C2orf78: variants seen among roughly 807,000 people sequenced by gnomAD.
The protein encoded by C2orf78 is chromosome 2 open reading frame 78, also known as uncharacterized protein C2orf78.
C2orf78 carries 12 observed loss-of-function variants against 21.4 expected under a neutral mutation model. The ratio of observed to expected loss-of-function variants is 0.56; its 90% CI spans 0.36 to 0.91. The LOEUF is 0.91. C2orf78 is among the 40% of genes least tolerant of loss of function. The pLI, the probability that C2orf78 is intolerant of heterozygous loss-of-function variation, is 0.01. For missense variants in C2orf78, 1,042 were observed against 1,092.4 expected, an observed-to-expected ratio of 0.95 and a Z score of 0.65; for synonymous variants, 396 against 413.9, an observed-to-expected ratio of 0.96 and a Z score of 0.52.
exon 3 of C2orf78, chr2:73,816,807 G>A (rs1301311520): frequency 1.2e-6 from 2 of 1,613,920 alleles, no homozygotes; most frequent in African/African-American, 2.7e-5. Flanking sequence ...GAAACCCACT[G>A]TTCCTGAGCC....
intron 1 of C2orf78, among the ~76,000 whole-genome samples, chr2:73,810,435 G>C (rs1179681882): frequency 6.6e-6 from 1 of 151,288 alleles, no homozygotes; most frequent in Non-Finnish European, 1.5e-5. Flanking sequence ...GCTGAGGCAG[G>C]AGAATCGTTT....
At chr2:73,807,039 G>T (rs1259316689) in intron 1 of C2orf78, among the ~76,000 whole-genome samples, 1 of 144,010 alleles carries the variant, frequency 6.9e-6, no homozygotes, top group Non-Finnish European at 1.5e-5. Flanking sequence ...AAATTAGCCG[G>T]GCATGGTGGC....
chr2:73,813,883 T>G, exon 2 of C2orf78: 2 of 1,613,998 alleles, frequency 1.2e-6, no homozygotes, highest in Non-Finnish European at 1.7e-6. Flanking sequence ...ATTATAAAAC[T>G]TCAGATACCA....
chr2:73,813,511 A>C, exon 2 of C2orf78: 1 of 1,610,962 alleles, frequency 6.2e-7, no homozygotes, highest in Non-Finnish European at 8.5e-7. Context: ...CTGGAACTGC[A>C]AATTCTCGGC....
chr2:73,810,284 A>T (rs1056765654), intron 1 of C2orf78, among the ~76,000 whole-genome samples: 3 of 151,982 alleles, frequency 2.0e-5, no homozygotes, highest in Non-Finnish European at 4.4e-5. Flanking sequence ...TAATCCCAGC[A>T]CTTTGGGAGG....
chr2:73,810,850 A>T (rs1157848615), intron 1 of C2orf78, among the ~76,000 whole-genome samples: 28 of 136,566 alleles, frequency 2.1e-4, no homozygotes, highest in Non-Finnish European at 3.4e-4. Context: ...TATTACATGT[A>T]TATTATATAT....
chr2:73,809,015 T>C, intron 1 of C2orf78: 1 of 600,316 alleles, frequency 1.7e-6, no homozygotes, highest in Non-Finnish European at 2.8e-6. Context: ...AGTATTGAAG[T>C]AGAAATCCAG....
At chr2:73,784,207 C>G in exon 1 of C2orf78, 1 of 1,511,688 alleles carries the variant, frequency 6.6e-7, no homozygotes, top group South Asian at 1.2e-5. Context: ...CCGACCACCA[C>G]CTGGTAGCAT....
At chr2:73,817,053 C>T in exon 3 of C2orf78, 1 of 1,421,230 alleles carries the variant, frequency 7.0e-7, no homozygotes, top group Non-Finnish European at 9.3e-7. Context: ...TAGATAGATA[C>T]TAATTTATTT....
chr2:73,809,741 A>T (rs1454993349), intron 1 of C2orf78, among the ~76,000 whole-genome samples: 1 of 152,188 alleles, frequency 6.6e-6, no homozygotes, highest in Non-Finnish European at 1.5e-5. Flanking sequence ...TCAGGTTCAC[A>T]CCACTGGACT....
chr2:73,816,270 G>C, exon 3 of C2orf78: 2 of 1,613,864 alleles, frequency 1.2e-6, no homozygotes, highest in East Asian at 2.2e-5. Context: ...TGAGGGTAAA[G>C]GCCCGGAGAA....
rs548128116 is a variant in C2orf78, at chr2:73,808,710, A to C, written c.98-4767A>C. The C allele has an allele frequency of 4.6e-4, 694 of 1,513,216 alleles. 4 individuals are homozygous for C. The highest frequency in any genetic ancestry group is 3.6e-3 in the African/African-American group (255 of 71,478). The allele number at this position is 1,513,216 out of a possible 1,614,324, so 93.7% of individuals were successfully genotyped here. A position where few individuals can be genotyped will look rare whatever the true frequency, so the allele number is the denominator to read the frequency against. ...CACCAAACCAACTGCCACCTGGTAGAATCTTGGGGTTTCCTGGGCGTGGCC... is the reference window on the plus strand; with the variant it reads ...CACCAAACCAACTGCCACCTGGTAGCATCTTGGGGTTTCCTGGGCGTGGCC... On this transcript the variant is annotated intron_variant, in intron 1 of 2. Transcript: ENST00000409561.
chr2:73,812,079 T>G (rs1401205268), intron 1 of C2orf78, among the ~76,000 whole-genome samples: 1 of 152,224 alleles, frequency 6.6e-6, no homozygotes, highest in East Asian at 1.9e-4. Flanking sequence ...ACAGTTTGTC[T>G]ATACATTTTC....
Position 73,815,475 on chromosome 2 carries a change from CTAAGAAA to C in C2orf78, c.1258_1264del (p.Asn420AlafsTer2), listed in dbSNP as rs1673174132. 1 of 1,613,752 alleles carries C rather than the reference CTAAGAAA, an allele frequency of 6.2e-7. No homozygotes were observed. Among genetic ancestry groups the C allele is most frequent in the Admixed American group, 1.7e-5 (1 of 59,990 alleles). On this transcript the variant is annotated frameshift_variant, in exon 3 of 3. Coordinates refer to ENST00000409561, the Ensembl canonical transcript of C2orf78. LOFTEE classifies it low-confidence loss of function (END_TRUNC). ...GCAGCCTGGTTCTGAAAATGCCAAT[CTAAGAAA>C]TAAGAGCCTGAGTCTTGAGGACCAA...
intron 1 of C2orf78, among the ~76,000 whole-genome samples, chr2:73,809,671 G>A (rs1558540604): frequency 6.6e-6 from 1 of 152,108 alleles, no homozygotes; most frequent in Non-Finnish European, 1.5e-5. Flanking sequence ...CAGCTACTCA[G>A]GAAGCTGAGG....
chr2:73,813,729 G>A (rs1398081554), exon 2 of C2orf78: 14 of 1,614,022 alleles, frequency 8.7e-6, no homozygotes, highest in African/African-American at 6.7e-5. Context: ...AGCCATATCT[G>A]TACTTCAGCT....
At position 73,816,405 on chromosome 2, in the gene C2orf78, C is replaced by A. The variant is rs115725666; in HGVS notation, c.2182C>A (p.Gln728Lys). ...ACCTTTGCCCTTTCTGACCCTGGAC[C>A]AACCTCAAGCTCGACATGTTTCTCG... The change falls in exon 3 of 3, where the codon CAA (glutamine) becomes AAA (lysine). Residue 728 changes from glutamine to lysine, a missense_variant. Coordinates refer to ENST00000409561, the Ensembl canonical transcript of C2orf78. 2.4e-3 allele frequency: 3,944 copies of A among 1,613,878 alleles called. 79 individuals are homozygous for A. In the African/African-American group the frequency reaches 0.045, roughly 18 times the overall value.
chr2:73,815,884 C>T, exon 3 of C2orf78: 1 of 1,613,574 alleles, frequency 6.2e-7, no homozygotes, highest in Non-Finnish European at 8.5e-7. Flanking sequence ...AGCAACAAAC[C>T]TCACAAGGCT....
intron 2 of C2orf78, 57 bp from the exon 3 acceptor site, chr2:73,815,014 G>GT: frequency 6.6e-7 from 1 of 1,519,276 alleles, no homozygotes; most frequent in South Asian, 1.3e-5. Flanking sequence ...CTGCACTGGT[G>GT]TGTAGGGGGA....
Sources: gnomAD v4.1 joint callset for allele counts (sites outside exome capture counted in the v4.1 genomes callset) on GRCh38, gnomAD v4.1.1 for gene constraint, MANE v1.5 for transcripts, NCBI Gene and HGNC (gene_info 2026-07-23, HGNC 2026-07-21) for gene names.